ZNF446: variants seen among roughly 807,000 people sequenced by gnomAD.
ZNF446 encodes zinc finger protein 446, also known as zinc finger protein with KRAB and SCAN domains 20.
In ZNF446, 42 loss-of-function variants were observed where a neutral mutation model predicts 34.0. The ratio of observed to expected loss-of-function variants is 1.23; its 90% CI spans 0.96 to 1.60. The LOEUF (loss-of-function observed/expected upper bound fraction) is 1.60. Ranked by LOEUF, ZNF446 falls within the 40% of genes most tolerant of loss-of-function variation. The pLI, the probability that ZNF446 is intolerant of heterozygous loss-of-function variation, is 0.00. For missense variants in ZNF446, 650 were observed against 600.2 expected (o/e 1.08, Z -0.87); for synonymous variants, 315 against 251.0 (o/e 1.25, Z -2.41).
At chr19:58,489,372 C>T in the ZNF446 span, among the ~76,000 whole-genome samples, 4 of 152,098 alleles carry the variant, frequency 2.6e-5, no homozygotes, top group Non-Finnish European at 5.9e-5. Context: ...GAACTGACTC[C>T]GCGCAAGACG....
At chr19:58,482,561 T>C (rs2053147880), downstream of ZNF446, among the ~76,000 whole-genome samples, 1 of 152,196 alleles carries the variant, frequency 6.6e-6, no homozygotes, top group African/African-American at 2.4e-5. Context: ...CAGGTGGATG[T>C]TGAGGGTAGC....
chr19:58,488,860 A>C, the ZNF446 span, among the ~76,000 whole-genome samples: 3 of 151,108 alleles, frequency 2.0e-5, no homozygotes, highest in East Asian at 3.9e-4. Flanking sequence ...AAAAAAAAAA[A>C]AAAACAAAAA....
chr19:58,477,631 C>G lies in ZNF446; in HGVS notation c.343-6C>G, dbSNP rs200809817. On this transcript the variant is annotated splice_polypyrimidine_tract_variant and splice_region_variant and intron_variant, in intron 2 of 6. Coordinates refer to ENST00000594369, the MANE Select transcript of ZNF446 (RefSeq NM_017908.4). ...AGAGCCATTGTGACCTACCTCTTCT[C>G]CTCAGATCACAGCCCATGTCCTGAA... is the stretch of plus-strand genomic sequence containing the variant. The G allele has an allele frequency of 9.7e-5, 156 of 1,613,674 alleles. 1 individual carries two copies. Among genetic ancestry groups the G allele is most frequent in the Non-Finnish European group, 8.3e-5 (98 of 1,179,954 alleles).
intron 4 of ZNF446, among the ~76,000 whole-genome samples, chr19:58,479,047 C>CTCTGCT (rs879401928): frequency 5.6e-4 from 86 of 152,328 alleles, no homozygotes; most frequent in African/African-American, 1.9e-3. Context: ...CTCCCGGCTC[C>CTCTGCT]TCTAACAACT....
At chr19:58,486,688 C>A in the ZNF446 span, among the ~76,000 whole-genome samples, 1 of 148,248 alleles carries the variant, frequency 6.7e-6, no homozygotes, top group Non-Finnish European at 1.5e-5. Flanking sequence ...GGATTACAGG[C>A]GTGAGCCACC....
At chr19:58,485,864 C>T (rs755679183), downstream of ZNF446, among the ~76,000 whole-genome samples, 1 of 152,044 alleles carries the variant, frequency 6.6e-6, no homozygotes, top group African/African-American at 2.4e-5. Context: ...ACAGGCTGAG[C>T]CACCACACCC....
downstream of ZNF446, among the ~76,000 whole-genome samples, chr19:58,485,868 C>T (rs1600016943): frequency 6.6e-6 from 1 of 152,028 alleles, no homozygotes; most frequent in Non-Finnish European, 1.5e-5. Flanking sequence ...GCTGAGCCAC[C>T]ACACCCAGCC....
At chr19:58,488,731 G>A in the ZNF446 span, among the ~76,000 whole-genome samples, 1 of 151,148 alleles carries the variant, frequency 6.6e-6, no homozygotes, top group African/African-American at 2.4e-5. Flanking sequence ...GGCACCTGTA[G>A]TCCCAGCTAC....
downstream of ZNF446, among the ~76,000 whole-genome samples, chr19:58,484,844 GC>G (rs2053161106): frequency 6.6e-6 from 1 of 152,158 alleles, no homozygotes; most frequent in African/African-American, 2.4e-5. Flanking sequence ...GATTGCTTGA[GC>G]CCAGGAATTC....
At chr19:58,477,091 TG>T in intron 1 of ZNF446, 87 bp from the exon 2 acceptor site, 1 of 797,748 alleles carries the variant, frequency 1.3e-6, no homozygotes, top group Non-Finnish European at 2.0e-6. Context: ...CACTTGGTCC[TG>T]GTCTCAGCCC....
the ZNF446 span, among the ~76,000 whole-genome samples, chr19:58,489,375 GCA>G: frequency 6.6e-6 from 1 of 152,022 alleles, no homozygotes; most frequent in African/African-American, 2.4e-5. Context: ...CTGACTCCGC[GCA>G]AGACGACAGC....
At chr19:58,482,644 G>A (rs2053148295), downstream of ZNF446, among the ~76,000 whole-genome samples, 2 of 152,222 alleles carry the variant, frequency 1.3e-5, no homozygotes, top group Admixed American at 1.3e-4. Flanking sequence ...AGCTGGGAGA[G>A]GGAGGCTCTC....
chr19:58,487,499 C>T, the ZNF446 span, among the ~76,000 whole-genome samples: 1 of 152,028 alleles, frequency 6.6e-6, no homozygotes. Flanking sequence ...CTCGACAAAC[C>T]CAGAAGGTAT....
At chr19:58,488,552 TAA>T in the ZNF446 span, among the ~76,000 whole-genome samples, 1,060 of 100,246 alleles carry the variant, frequency 0.011, 12 homozygotes, top group African/African-American at 0.027. Flanking sequence ...ATGACTATGA[TAA>T]AAAAAAAAAA....
the ZNF446 span, among the ~76,000 whole-genome samples, chr19:58,487,840 T>C: frequency 1.3e-5 from 2 of 152,156 alleles, no homozygotes; most frequent in African/African-American, 2.4e-5. Flanking sequence ...TAAATATGAA[T>C]AGGACTAAAA....
chr19:58,478,446 C>T (rs1168014993), intron 4 of ZNF446, among the ~76,000 whole-genome samples: 1 of 152,040 alleles, frequency 6.6e-6, no homozygotes, highest in Non-Finnish European at 1.5e-5. Context: ...AGCGGATCAC[C>T]TGAGGTCAGG....
At chr19:58,479,131 T>C (rs888281201) in intron 4 of ZNF446, among the ~76,000 whole-genome samples, 1 of 152,150 alleles carries the variant, frequency 6.6e-6, no homozygotes, top group Non-Finnish European at 1.5e-5. Flanking sequence ...CCAGGCTCCC[T>C]CCACAGCCCC....
At chr19:58,488,062 G>A in the ZNF446 span, among the ~76,000 whole-genome samples, 3 of 145,754 alleles carry the variant, frequency 2.1e-5, no homozygotes, top group African/African-American at 2.6e-5. Context: ...TGCCTTGCCC[G>A]TGACCACACA....
chr19:58,488,639 C>T, the ZNF446 span, among the ~76,000 whole-genome samples: 1 of 151,002 alleles, frequency 6.6e-6, no homozygotes, highest in African/African-American at 2.4e-5. Context: ...ATCATGAGGT[C>T]AGGAGATTGA....
Sources: allele counts gnomAD v4.1 joint callset (sites outside exome capture counted in the v4.1 genomes callset), GRCh38; gene constraint gnomAD v4.1.1; transcripts MANE v1.5; gene names NCBI Gene and HGNC (gene_info 2026-07-23, HGNC 2026-07-21).